Variants in GLCCI1 observed in about 807,000 individuals in gnomAD.
GLCCI1 encodes glucocorticoid induced 1.
Under a neutral mutation model 52.2 loss-of-function variants are expected in GLCCI1, and 24 were observed. The ratio of observed to expected loss-of-function variants is 0.46; its 90% CI spans 0.33 to 0.65. The LOEUF is 0.65. Among genes scored for constraint, GLCCI1 ranks in the 30% least tolerant of loss-of-function variants. GLCCI1 has a pLI of 0.02. For synonymous variants in GLCCI1, 310 were observed against 276.5 expected (o/e 1.12, Z -1.20); for missense variants, 704 against 701.5 (o/e 1.00, Z -0.04).
intron 1 of GLCCI1, among the ~76,000 whole-genome samples, chr7:7,974,115 G>A (rs1562412137): frequency 6.6e-6 from 1 of 152,024 alleles, no homozygotes; most frequent in African/African-American, 2.4e-5. Flanking sequence ...TGACTTTTGG[G>A]AAAGGTTTTC....
At position 8,054,284 on chromosome 7, in the gene GLCCI1, TATGTC is replaced by T. The variant is rs1782335206; in HGVS notation, c.697-1147_697-1143del. Among the ~76,000 whole-genome samples, 2 of 151,878 alleles carry T rather than the reference TATGTC, an allele frequency of 1.3e-5. 1 individual carries two copies. Among genetic ancestry groups the T allele is most frequent in the East Asian group, 3.8e-4 (2 of 5,206 alleles). Reference sequence around the variant, plus strand: ...AAATTAATGTTCTCTGCAAGAAAATTATGTCAGTTCAATAGAGAGGAAGGCACACA... The same window carrying T: ...AAATTAATGTTCTCTGCAAGAAAATTAGTTCAATAGAGAGGAAGGCACACA... On this transcript the variant is annotated intron_variant, in intron 3 of 7. Coordinates refer to ENST00000223145, the MANE Select transcript of GLCCI1 (RefSeq NM_138426.4).
At chr7:8,070,894 G>T in intron 5 of GLCCI1, 27 bp from the exon 6 acceptor site, 1 of 1,585,412 alleles carries the variant, frequency 6.3e-7, no homozygotes, top group South Asian at 1.1e-5. Context: ...ACCAGCATTT[G>T]GATGTTTAAT....
At chr7:8,010,347 T>C (rs897607856) in intron 2 of GLCCI1, among the ~76,000 whole-genome samples, 4 of 152,206 alleles carry the variant, frequency 2.6e-5, no homozygotes, top group African/African-American at 9.6e-5. Flanking sequence ...TATATTCTAA[T>C]AAAATGATGG....
In GLCCI1 at chr7:8,017,124, T is replaced by G. The variant is rs143476960; in HGVS notation, c.610-5359T>G. On this transcript the variant is annotated intron_variant, in intron 2 of 7. Coordinates refer to ENST00000223145, the MANE Select transcript of GLCCI1 (RefSeq NM_138426.4). ...CATGTGCAGGAGAGCGTATTTACATTCTTAGGAAAGCTACTCCCTCCTCCA... is the reference window on the plus strand; with the variant it reads ...CATGTGCAGGAGAGCGTATTTACATGCTTAGGAAAGCTACTCCCTCCTCCA... 2.0e-3 allele frequency among the ~76,000 whole-genome samples: 308 copies of G among 152,332 alleles called. 2 individuals are homozygous for G. In the Middle Eastern group the frequency reaches 0.027, roughly 13 times the overall value.
In GLCCI1 at chr7:8,087,985, G is replaced by T. The variant is rs573762598; in HGVS notation, c.*1447G>T. 1 of 152,370 alleles carries T rather than the reference G, an allele frequency of 6.6e-6. No homozygotes were observed. The highest frequency in any genetic ancestry group is 2.1e-4 in the South Asian group (1 of 4,816). The allele number at this position is 152,370 out of a possible 1,614,324, so 9.4% of individuals were successfully genotyped here. A position where few individuals can be genotyped will look rare whatever the true frequency, so the allele number is the denominator to read the frequency against. On this transcript the variant is annotated 3_prime_UTR_variant, in exon 8 of 8. Coordinates refer to ENST00000223145, the MANE Select transcript of GLCCI1 (RefSeq NM_138426.4). ...TCTTCAGTACAAAGAGTATCCAAAA[G>T]CTAAGTTTTTGTATTCCACTACTTT...
intron 1 of GLCCI1, among the ~76,000 whole-genome samples, chr7:7,977,459 A>G (rs1198413031): frequency 6.6e-6 from 1 of 152,226 alleles, no homozygotes; most frequent in South Asian, 2.1e-4. Flanking sequence ...CTAATTATCA[A>G]ATGAAAGGCC....
intron 5 of GLCCI1, among the ~76,000 whole-genome samples, chr7:8,064,861 C>T (rs1410179906): frequency 6.6e-6 from 1 of 152,048 alleles, no homozygotes; most frequent in Non-Finnish European, 1.5e-5. Flanking sequence ...GCGTGTGCCA[C>T]CATGCCCAGC....
chr7:8,086,362 G>C lies in GLCCI1; in HGVS notation c.1468G>C (p.Ala490Pro). ...SPNSGQSSAL[A>P]TLTVEQLSSR... is the part of the protein sequence containing the mutation. Reference sequence around the variant, plus strand: ...TAACTCTGGCCAGAGCTCAGCTTTGGCAACTCTGACCGTTGAGCAGCTCTC... The same window carrying C: ...TAACTCTGGCCAGAGCTCAGCTTTGCCAACTCTGACCGTTGAGCAGCTCTC... The change falls in exon 8 of 8, where the codon GCA (alanine) becomes CCA (proline). Residue 490 changes from alanine to proline, a missense_variant. Coordinates refer to ENST00000223145, the MANE Select transcript of GLCCI1 (RefSeq NM_138426.4). The surrounding 1 kb of genome is among the most constrained non-coding windows in gnomAD (Gnocchi z 4.4). The C allele has an allele frequency of 6.2e-7, 1 of 1,614,008 alleles. No homozygotes were observed.
intron 3 of GLCCI1, among the ~76,000 whole-genome samples, chr7:8,031,644 A>G (rs1781751307): frequency 6.6e-6 from 1 of 152,114 alleles, no homozygotes; most frequent in African/African-American, 2.4e-5. Context: ...CTGTGCCAAA[A>G]TATCTCATGT....
intron 3 of GLCCI1, among the ~76,000 whole-genome samples, chr7:8,031,470 A>T (rs1781746851): frequency 6.6e-6 from 1 of 152,030 alleles, no homozygotes; most frequent in Non-Finnish European, 1.5e-5. Context: ...AATGAGTAAG[A>T]CCTAGTATTT....
intron 1 of GLCCI1, among the ~76,000 whole-genome samples, chr7:7,978,029 G>A (rs995161595): frequency 3.3e-5 from 5 of 152,168 alleles, no homozygotes; most frequent in Non-Finnish European, 5.9e-5. Context: ...GGGCGGTGAG[G>A]GAAGAAGAGA....
At chr7:8,034,213 C>T (rs1445746997) in intron 3 of GLCCI1, among the ~76,000 whole-genome samples, 3 of 152,094 alleles carry the variant, frequency 2.0e-5, no homozygotes, top group African/African-American at 7.2e-5. Context: ...GTACAAAATA[C>T]CCTTAAGTCC....
intron 1 of GLCCI1, among the ~76,000 whole-genome samples, chr7:8,000,514 C>G (rs909191321): frequency 6.6e-6 from 1 of 151,852 alleles, no homozygotes; most frequent in Non-Finnish European, 1.5e-5. Flanking sequence ...TTTCTTATAA[C>G]AATAAATATA....
intron 3 of GLCCI1, among the ~76,000 whole-genome samples, chr7:8,045,029 A>G (rs956027861): frequency 1.3e-5 from 2 of 152,246 alleles, no homozygotes; most frequent in Non-Finnish European, 2.9e-5. Flanking sequence ...AGAAACAAGA[A>G]TTAAGTCCTT....
At chr7:8,071,283 A>G (rs2127964757) in intron 6 of GLCCI1, 152 bp downstream of exon 6, 1 of 641,918 alleles carries the variant, frequency 1.6e-6, no homozygotes, top group African/African-American at 1.8e-5. Flanking sequence ...TTGGTTTCAC[A>G]TACCCCCTTT....
At chr7:8,044,367 CTTT>C (rs60118378) in intron 3 of GLCCI1, among the ~76,000 whole-genome samples, 1 of 140,952 alleles carries the variant, frequency 7.1e-6, no homozygotes, top group Non-Finnish European at 1.5e-5. Flanking sequence ...CCTTTTTGTA[CTTT>C]TTTTTTTTTT....
chr7:7,989,267 G>T (rs1780794725), intron 1 of GLCCI1, among the ~76,000 whole-genome samples: 1 of 152,128 alleles, frequency 6.6e-6, no homozygotes, highest in African/African-American at 2.4e-5. Flanking sequence ...GAGCCACCTT[G>T]AAAATTAACC....
At chr7:8,008,175 G>C (rs1221277748) in intron 2 of GLCCI1, among the ~76,000 whole-genome samples, 1 of 151,944 alleles carries the variant, frequency 6.6e-6, no homozygotes, top group Non-Finnish European at 1.5e-5. Context: ...ATCACTTGAA[G>C]TTGTTTCTTG....
At chr7:7,992,046 T>TCTTTCTTG (rs1263313297) in intron 1 of GLCCI1, among the ~76,000 whole-genome samples, 3 of 41,262 alleles carry the variant, frequency 7.3e-5, no homozygotes, top group Non-Finnish European at 1.5e-4. Flanking sequence ...ATTTATTTTT[T>TCTTTCTTG]CTTTCTTTCT....
Sources: allele counts gnomAD v4.1 joint callset (sites outside exome capture counted in the v4.1 genomes callset), GRCh38; gene constraint gnomAD v4.1.1; non-coding constraint Gnocchi (gnomAD v3.1); transcripts MANE v1.5; gene names NCBI Gene and HGNC (gene_info 2026-07-23, HGNC 2026-07-21).